Variants in CORO1B observed in about 807,000 individuals in gnomAD.
CORO1B encodes the protein coronin-1B.
CORO1B carries 30 observed loss-of-function variants against 51.1 expected under a neutral mutation model. The ratio of observed to expected loss-of-function variants is 0.59; its 90% confidence interval spans 0.44 to 0.80. The LOEUF (loss-of-function observed/expected upper bound fraction) is 0.80, where lower values mean the gene tolerates loss of function less well. CORO1B is among the 30% of genes least tolerant of loss of function. The pLI is 0.00. For missense variants in CORO1B, 648 were observed against 700.4 expected (o/e 0.93, Z 0.84); for synonymous variants, 310 against 289.7 (o/e 1.07, Z -0.71).
At chr11:67,443,616 GA>G (rs1864440610), upstream of CORO1B, 1 of 716,030 alleles carries the variant, frequency 1.4e-6, no homozygotes, top group Non-Finnish European at 1.7e-6. Flanking sequence ...GGCCGCCGGG[GA>G]CGGGGCCAGA....
rs1239998427 is a variant in CORO1B at position 67,442,492 on chromosome 11, T to C, written c.137A>G (p.Lys46Arg). Residue 46 changes from lysine (K) to arginine (R), a missense_variant, in exon 2 of 11, where the codon AAG becomes AGG. By Grantham distance (26) the Lys-to-Arg change is conservative. Transcript: ENST00000341356. ...GGCCTCCACAATCACCGCCAGGAAC[T>C]TGGGGTTGACGGCGCAGAAGGTGCT... is the stretch of plus-strand genomic sequence containing the variant. ...WDSTFCAVNP[K>R]FLAVIVEASG... 1.2e-6 allele frequency: 2 copies of C among 1,613,422 alleles called. No homozygotes were observed. The highest frequency in any genetic ancestry group is 3.3e-5 in the Admixed American group (2 of 60,006).
Position 67,442,485 on chromosome 11 carries a change from C to T in CORO1B, c.144G>A (p.Leu48=). 1.9e-6 allele frequency: 3 copies of T among 1,613,598 alleles called. No individual in the cohort carries two copies. The highest frequency in any genetic ancestry group is 2.5e-6 in the Non-Finnish European group (3 of 1,180,010). The change falls in exon 2 of 11, where the codon CTG becomes CTA. Residue 48 remains leucine (L), a synonymous_variant. Transcript: ENST00000341356. The stretch of plus-strand genomic sequence containing the variant: ...CTCCACTGGCCTCCACAATCACCGC[C>T]AGGAACTTGGGGTTGACGGCGCAGA... The part of the protein sequence containing the change: ...STFCAVNPKF[L]AVIVEASGGG...
At position 67,437,447 on chromosome 11, in the gene CORO1B, G is replaced by C. The variant is rs1444240547; in HGVS notation, c.*929C>G. 3 of 761,034 alleles carry C rather than the reference G, an allele frequency of 3.9e-6. No individual in the cohort carries two copies. Among genetic ancestry groups the C allele is most frequent in the Non-Finnish European group, 5.6e-6 (3 of 535,888 alleles). The allele number at this position is 761,034 out of a possible 1,614,324, so 47.1% of individuals were successfully genotyped here. The stretch of plus-strand genomic sequence containing the variant: ...GCTGGGGGCCAGGCCTGGAGTCCCA[G>C]GGAGCCCAGCTCAGGTGAGAGAAAG... On this transcript the variant is annotated 3_prime_UTR_variant, in exon 11 of 11. Transcript: ENST00000341356.
upstream of CORO1B, chr11:67,443,715 CCGCCGCAGAGG>C: frequency 1.4e-5 from 14 of 984,950 alleles, no homozygotes; most frequent in Non-Finnish European, 1.7e-5. Context: ...CCGACGGCGG[CCGCCGCAGAGG>C]CGCCGCAGGT....
chr11:67,443,585 G>C (rs1203668165), upstream of CORO1B: 10 of 699,774 alleles, frequency 1.4e-5, no homozygotes, highest in Non-Finnish European at 1.8e-5. Context: ...AGGCTGAGCG[G>C]CGCCGGGGGG....
Position 67,437,682 on chromosome 11 carries a change from T to C in CORO1B, c.*694A>G. On this transcript the variant is annotated 3_prime_UTR_variant, in exon 11 of 11. Transcript: ENST00000341356. ...AGCTCTGGCTGTGTCGAGCGAGAAGTGAGCTCAGTGCTCGTCTGCAGTGAA... is the reference window on the plus strand; with the variant it reads ...AGCTCTGGCTGTGTCGAGCGAGAAGCGAGCTCAGTGCTCGTCTGCAGTGAA... 1 of 1,345,226 alleles carries C rather than the reference T, an allele frequency of 7.4e-7. No homozygotes were observed. Among genetic ancestry groups the C allele is most frequent in the South Asian group, 2.3e-5 (1 of 43,224 alleles). The allele number at this position is 1,345,226 out of a possible 1,614,324, so 83.3% of individuals were successfully genotyped here.
chr11:67,437,464 G>C lies in CORO1B; in HGVS notation c.*912C>G. The C allele has an allele frequency of 1.1e-6, 1 of 924,278 alleles. No homozygotes were observed. Among genetic ancestry groups the C allele is most frequent in the African/African-American group, 1.7e-5 (1 of 58,300 alleles). The allele number at this position is 924,278 out of a possible 1,614,324, so 57.3% of individuals were successfully genotyped here. On this transcript the variant is annotated 3_prime_UTR_variant, in exon 11 of 11. Coordinates refer to ENST00000341356, the MANE Select transcript of CORO1B (RefSeq NM_020441.3). ...GAGTCCCAGGGAGCCCAGCTCAGGT[G>C]AGAGAAAGGTTCAGCCTCTGCCATA...
intron 8 of CORO1B, 109 bp downstream of exon 8, chr11:67,440,009 C>G: frequency 1.3e-6 from 2 of 1,500,164 alleles, no homozygotes; most frequent in South Asian, 2.5e-5. Context: ...GTTCTCATGG[C>G]CCGCCGGGCC....
Position 67,440,161 on chromosome 11 carries a change from T to C in CORO1B, c.964A>G (p.Met322Val). ...SKEPQRGMGSMPKRGLEVSKC... is the reference protein window; with the variant it reads ...SKEPQRGMGSVPKRGLEVSKC... ...CTGACCTCCAGGCCCCGCTTGGGCA[T>C]GCTGCCCATACCCCGCTGCGGCTCC... is the stretch of plus-strand genomic sequence containing the variant. Residue 322 changes from methionine (M) to valine (V), a missense_variant, in exon 8 of 11, where the codon ATG becomes GTG. Met to Val is a conservative substitution (Grantham distance 21). Coordinates refer to ENST00000341356, the MANE Select transcript of CORO1B (RefSeq NM_020441.3). The C allele has an allele frequency of 6.2e-7, 1 of 1,613,738 alleles. No homozygotes were observed. Among genetic ancestry groups the C allele is most frequent in the Non-Finnish European group, 8.5e-7 (1 of 1,179,976 alleles).
At position 67,438,683 on chromosome 11, in the gene CORO1B, C is replaced by A. The variant is rs1204053100; in HGVS notation, c.1332G>T (p.Leu444=). The A allele has an allele frequency of 1.3e-6, 2 of 1,541,632 alleles. No homozygotes were observed. The highest frequency in any genetic ancestry group is 3.9e-5 in the Admixed American group (2 of 51,468). Residue 444 remains leucine, a synonymous_variant, in exon 10 of 11, where the codon CTG becomes CTT. Coordinates refer to ENST00000341356, the MANE Select transcript of CORO1B (RefSeq NM_020441.3). ...TGCGCGTGCATACCCCGGCTCTGGC[C>A]AGGCTGCCGCTGGGGGTGGCATCAG... ...TAADATPSGS[L]ARAGEAGKLE...
chr11:67,436,038 G>A lies in CORO1B; in HGVS notation c.*2338C>T, dbSNP rs1333132508. The A allele has an allele frequency of 2.5e-6, 4 of 1,613,550 alleles. No individual in the cohort carries two copies. The highest frequency in any genetic ancestry group is 1.7e-5 in the Admixed American group (1 of 60,000). On this transcript the variant is annotated 3_prime_UTR_variant, in exon 11 of 11. Transcript: ENST00000341356. ...TCTGTGTCCTGCTCATCCTCCTGTC[G>A]CTCAAGGTCATTGTCTGTGGACCCC...
At chr11:67,440,896 G>A in intron 6 of CORO1B, 1 of 671,730 alleles carries the variant, frequency 1.5e-6, no homozygotes, top group Non-Finnish European at 2.6e-6. Flanking sequence ...CCGTTGGCAT[G>A]AACAACATGG....
chr11:67,441,410 T>G lies in CORO1B; in HGVS notation c.559A>C (p.Asn187His). 2 of 1,613,898 alleles carry G rather than the reference T, an allele frequency of 1.2e-6. No homozygotes were observed. Among genetic ancestry groups the G allele is most frequent in the Non-Finnish European group, 8.5e-7 (1 of 1,180,030 alleles). The change falls in exon 5 of 11, where the codon AAT becomes CAT. Residue 187 changes from asparagine to histidine, a missense_variant. Physicochemically the swap from Asn to His is moderately conservative, Grantham distance 68. Coordinates refer to ENST00000341356, the MANE Select transcript of CORO1B (RefSeq NM_020441.3). ...CATGCTGAGCAAAACAGGCTGCCAT[T>G]GTGGTTCCAGCTGACATTGTAGATG... ...DLIYNVSWNH[N>H]GSLFCSACKD... is the part of the protein sequence containing the mutation.
intron 3 of CORO1B, 43 bp from the exon 4 acceptor site, chr11:67,441,905 C>T: frequency 6.2e-7 from 1 of 1,613,120 alleles, no homozygotes; most frequent in Non-Finnish European, 8.5e-7. Flanking sequence ...CTCTGCTGGT[C>T]CTATTGCTGG....
intron 8 of CORO1B, 107 bp downstream of exon 8, chr11:67,440,011 C>T (rs763440188): frequency 1.3e-5 from 20 of 1,505,542 alleles, no homozygotes; most frequent in East Asian, 2.3e-5. Context: ...TCTCATGGCC[C>T]GCCGGGCCTC....
In CORO1B at chr11:67,437,739, T is replaced by G; in HGVS notation, c.*637A>C. ...CCCAGGCTTCCGCTTCCTGCCCACA[T>G]ACCCCACCTGCCCCTCCCTGCTGCA... On this transcript the variant is annotated 3_prime_UTR_variant, in exon 11 of 11. Coordinates refer to ENST00000341356, the MANE Select transcript of CORO1B (RefSeq NM_020441.3). 1 of 1,105,358 alleles carries G rather than the reference T, an allele frequency of 9.0e-7. No individual in the cohort carries two copies. Among genetic ancestry groups the G allele is most frequent in the Non-Finnish European group, 1.2e-6 (1 of 840,108 alleles). 68.5% of individuals were successfully genotyped at this position (1,105,358 alleles called of 1,614,324 possible).
In CORO1B at chr11:67,437,211, G is replaced by A. The variant is rs1864303982; in HGVS notation, c.*1165C>T. 1.1e-5 allele frequency: 2 copies of A among 174,258 alleles called. No homozygotes were observed. Among genetic ancestry groups the A allele is most frequent in the South Asian group, 4.0e-4 (2 of 5,050 alleles). The allele number at this position is 174,258 out of a possible 1,614,324, so 10.8% of individuals were successfully genotyped here. ...CGTGCAGGGCCGGGGGCTGGGGGGG[G>A]CTGGGGGAGGCGGGCGCAGCTGCCA... On this transcript the variant is annotated 3_prime_UTR_variant, in exon 11 of 11. Transcript: ENST00000341356.
chr11:67,435,533 C>T lies in CORO1B; in HGVS notation c.*2843G>A, dbSNP rs141604288. The stretch of plus-strand genomic sequence containing the variant: ...GCCACAGGCTGAAGGAGTTTTATTT[C>T]AAATGGTTGCCTGATGCCTGTGGTT... On this transcript the variant is annotated 3_prime_UTR_variant, in exon 11 of 11. Coordinates refer to ENST00000341356, the MANE Select transcript of CORO1B (RefSeq NM_020441.3). 147 of 783,914 alleles carry T rather than the reference C, an allele frequency of 1.9e-4. No individual in the cohort carries two copies. Among genetic ancestry groups the T allele is most frequent in the Non-Finnish European group, 2.5e-4 (130 of 520,094 alleles). The allele number at this position is 783,914 out of a possible 1,614,324, so 48.6% of individuals were successfully genotyped here. A position where few individuals can be genotyped will look rare whatever the true frequency, so the allele number is the denominator to read the frequency against.
At chr11:67,443,040 A>C (rs1245674258) in intron 1 of CORO1B, among the ~76,000 whole-genome samples, 1 of 152,144 alleles carries the variant, frequency 6.6e-6, no homozygotes, top group Non-Finnish European at 1.5e-5. Context: ...AGAAGGAGAG[A>C]GGAAGCAGGA....
Sources: allele counts gnomAD v4.1 joint callset (sites outside exome capture counted in the v4.1 genomes callset), GRCh38; gene constraint gnomAD v4.1.1; transcripts MANE v1.5; gene names NCBI Gene and HGNC (gene_info 2026-07-23, HGNC 2026-07-21).